The following PER2 variants were observed in gnomAD, a reference collection of about 807,000 sequenced individuals.
The protein encoded by PER2 is period circadian protein homolog 2.
In PER2, 66 loss-of-function variants were observed where a neutral mutation model predicts 121.0. The observed-to-expected ratio is 0.55, with a 90% CI of 0.45 to 0.67. The LOEUF (loss-of-function observed/expected upper bound fraction) is 0.67. Among genes scored for constraint, PER2 ranks in the 30% least tolerant of loss-of-function variants. The pLI is 0.00. For synonymous variants in PER2, 684 were observed against 659.9 expected (o/e 1.04, Z -0.56); for missense variants, 1,521 against 1,635.0 (o/e 0.93, Z 1.20).
intron 1 of PER2, among the ~76,000 whole-genome samples, chr2:238,286,603 GAC>G (rs1696796376): frequency 6.6e-6 from 1 of 152,164 alleles, no homozygotes; most frequent in Non-Finnish European, 1.5e-5. Flanking sequence ...GAAGTGTGGC[GAC>G]AGTCTCTGCC....
Position 238,277,163 on chromosome 2 carries a change from T to G in PER2, c.261A>C (p.Lys87Asn), listed in dbSNP as rs143743066. 1.5e-4 allele frequency: 245 copies of G among 1,613,492 alleles called. 1 individual carries two copies. The African/African-American group carries it at 3.0e-3, about 20-fold the overall frequency. The part of the protein sequence containing the change: ...SPDTFSLMMA[K>N]SEHNPSTSGC... ...CACTTGTAGATGGGTTGTGTTCAGA[T>G]TTTGCCATCATCAGGCTAAAGGTAT... The change falls in exon 3 of 23, where the codon AAA becomes AAC. Residue 87 changes from lysine (K) to asparagine (N), a missense_variant. Coordinates refer to ENST00000254657, the MANE Select transcript of PER2 (RefSeq NM_022817.3).
rs368823363 is a variant in PER2 at position 238,258,283 on chromosome 2, G to T, written c.1893C>A (p.His631Gln). ...TCTACACAGATTAGATACCTCCAGC[G>T]TGTGGCCCTGGGCTGACTGTGGCCT... ...KRKATVSPGP[H>Q]AGEAEPPSRV... The change falls in exon 16 of 23, where the codon CAC becomes CAA. Residue 631 changes from histidine (H) to glutamine (Q), a missense_variant. His to Gln is a conservative substitution (Grantham distance 24). Coordinates refer to ENST00000254657, the MANE Select transcript of PER2 (RefSeq NM_022817.3). 6.2e-7 allele frequency: 1 copy of T among 1,614,172 alleles called. No homozygotes were observed. Among genetic ancestry groups the T allele is most frequent in the Non-Finnish European group, 8.5e-7 (1 of 1,180,004 alleles).
chr2:238,265,545 G>A lies in PER2; in HGVS notation c.1013C>T (p.Thr338Ile). ...CACATCCTGGAACAAACAATTTGGTGTATGGGTGGTTGTAAAAATTCTCTT... is the reference window on the plus strand; with the variant it reads ...CACATCCTGGAACAAACAATTTGGTATATGGGTGGTTGTAAAAATTCTCTT... ...PEKRIFTTTH[T>I]PNCLFQDVDE... Residue 338 changes from threonine (T) to isoleucine (I), a missense_variant, in exon 9 of 23, where the codon ACA becomes ATA. Transcript: ENST00000254657. The A allele has an allele frequency of 6.2e-7, 1 of 1,611,434 alleles. No homozygotes were observed. The highest frequency in any genetic ancestry group is 1.1e-5 in the South Asian group (1 of 91,038).
chr2:238,265,872 T>C (rs1696079422), intron 8 of PER2, among the ~76,000 whole-genome samples: 1 of 152,028 alleles, frequency 6.6e-6, no homozygotes, highest in Non-Finnish European at 1.5e-5. Context: ...AGACTACTCT[T>C]AGCAAAATAA....
At chr2:238,292,143 G>A (rs1051757074), upstream of PER2, among the ~76,000 whole-genome samples, 1 of 152,362 alleles carries the variant, frequency 6.6e-6, no homozygotes, top group Admixed American at 6.5e-5. Context: ...GGGCAACAGA[G>A]CAAGACTGAG....
chr2:238,264,400 C>T (rs1696033658), intron 9 of PER2, among the ~76,000 whole-genome samples: 1 of 152,176 alleles, frequency 6.6e-6, no homozygotes, highest in African/African-American at 2.4e-5. Flanking sequence ...TGACGGATCC[C>T]TTTTTACCCA....
Position 238,273,057 on chromosome 2 carries a change from GAA to G in PER2, c.570+11_570+12del. On this transcript the variant is annotated intron_variant, in intron 5 of 22. Transcript: ENST00000254657. ...TGCCATTTTAGAAAGAAACTTTGCG[GAA>G]AGAGGCTTACGGCATTCTTCACAAT... The G allele has an allele frequency of 6.2e-7, 1 of 1,613,996 alleles. No individual in the cohort carries two copies. Among genetic ancestry groups the G allele is most frequent in the Non-Finnish European group, 8.5e-7 (1 of 1,179,878 alleles).
At chr2:238,278,020 A>T in intron 1 of PER2, 65 bp from the exon 2 acceptor site, 1 of 1,544,596 alleles carries the variant, frequency 6.5e-7, no homozygotes, top group African/African-American at 1.4e-5. Flanking sequence ...TGCAGCCATC[A>T]GGTAGAGCAC....
At chr2:238,270,777 A>C (rs6741269) in intron 6 of PER2, among the ~76,000 whole-genome samples, 1 of 152,212 alleles carries the variant, frequency 6.6e-6, no homozygotes, top group Non-Finnish European at 1.5e-5. Flanking sequence ...GCAGCCAAGA[A>C]GGCTGCCATC....
intron 1 of PER2, among the ~76,000 whole-genome samples, chr2:238,285,160 C>T (rs777996005): frequency 2.2e-4 from 33 of 152,392 alleles, no homozygotes; most frequent in Admixed American, 3.3e-4. Context: ...TTTGCATGTC[C>T]GCCTACTGGC....
rs760914975 is a variant in PER2 at position 238,262,389 on chromosome 2, AG to A, written c.1154-46del. The A allele has an allele frequency of 3.1e-6, 5 of 1,595,288 alleles. No individual in the cohort carries two copies. The South Asian group carries it at 5.5e-5, about 18-fold the overall frequency. ...CATTCAGGGGAAAAGGGGAGCAAACAGGATTTATAGTAGAGAGAGACAAGTC... is the reference window on the plus strand; with the variant it reads ...CATTCAGGGGAAAAGGGGAGCAAACAGATTTATAGTAGAGAGAGACAAGTC... On this transcript the variant is annotated intron_variant, in intron 10 of 22. Transcript: ENST00000254657.
Position 238,268,075 on chromosome 2 carries a change from T to C in PER2, c.948A>G (p.Arg316=), listed in dbSNP as rs760226791. The change falls in exon 8 of 23, where the codon AGA becomes AGG. Residue 316 remains arginine, a synonymous_variant. Coordinates refer to ENST00000254657, the MANE Select transcript of PER2 (RefSeq NM_022817.3). This position sits in a 1 kb window ranked among gnomAD's most constrained non-coding sequence, Gnocchi z 4.0. ...TGTTACCTTCATAACCAGAGTGCAC[T>C]CTCTCTGCCAGCAGAAGGCAGCAAA... is the stretch of plus-strand genomic sequence containing the variant. ...SQLCCLLLAE[R]VHSGYEAPRI... 9 of 1,613,758 alleles carry C rather than the reference T, an allele frequency of 5.6e-6. No individual in the cohort carries two copies. In the East Asian group the frequency reaches 1.8e-4, roughly 32 times the overall value.
chr2:238,286,789 G>A (rs898407358), intron 1 of PER2, among the ~76,000 whole-genome samples: 1 of 152,206 alleles, frequency 6.6e-6, no homozygotes, highest in African/African-American at 2.4e-5. Flanking sequence ...TTACATCATC[G>A]CTTAAAAACA....
chr2:238,268,038 C>T lies in PER2; in HGVS notation c.967+18G>A. 6.2e-7 allele frequency: 1 copy of T among 1,613,392 alleles called. No individual in the cohort carries two copies. Among genetic ancestry groups the T allele is most frequent in the African/African-American group, 1.3e-5 (1 of 75,038 alleles). On this transcript the variant is annotated intron_variant, in intron 8 of 22. Coordinates refer to ENST00000254657, the MANE Select transcript of PER2 (RefSeq NM_022817.3). The surrounding 1 kb of genome is among the most constrained non-coding windows in gnomAD (Gnocchi z 4.0). ...AGCCAGAGACAACATCTGCCCTCGC[C>T]CTGGGCTTGGCTGTTACCTTCATAA...
Position 238,250,704 on chromosome 2 carries a change from C to T in PER2, c.3314G>A (p.Ser1105Asn), listed in dbSNP as rs749714201. 1 of 1,614,008 alleles carries T rather than the reference C, an allele frequency of 6.2e-7. No individual in the cohort carries two copies. The highest frequency in any genetic ancestry group is 1.7e-5 in the Admixed American group (1 of 60,034). Residue 1105 changes from serine (S) to asparagine (N), a missense_variant, in exon 21 of 23, where the codon AGC becomes AAC. Physicochemically the swap from Ser to Asn is conservative, Grantham distance 46. Transcript: ENST00000254657. ...GTGATTATTCTCTGAGGAGTCAATG[C>T]TTCCAAAATATTTGCTGGTATGACT... ...DTSHTSKYFGSIDSSENNHKA... is the reference protein window; with the variant it reads ...DTSHTSKYFGNIDSSENNHKA...
chr2:238,255,349 G>T, intron 18 of PER2: 1 of 475,326 alleles, frequency 2.1e-6, no homozygotes, highest in Non-Finnish European at 3.8e-6. Flanking sequence ...GTCCAGGTGG[G>T]GCCCCTGCCC....
chr2:238,274,269 A>G (rs1428031586), intron 4 of PER2, among the ~76,000 whole-genome samples: 1 of 152,216 alleles, frequency 6.6e-6, no homozygotes, highest in East Asian at 1.9e-4. Context: ...TCCAGGCGGG[A>G]GCAAAGGGGC....
In PER2 at chr2:238,253,643, T is replaced by C. The variant is rs775769129; in HGVS notation, c.2380A>G (p.Asn794Asp). The C allele has an allele frequency of 1.2e-6, 2 of 1,609,438 alleles. No homozygotes were observed. Among genetic ancestry groups the C allele is most frequent in the Non-Finnish European group, 1.7e-6 (2 of 1,177,668 alleles). Reference sequence around the variant, plus strand: ...ACCCGCTTGGACTTCAATTTTCTGTTCTTTCCTGTTTTTTTCCAAGGTGAA... The same window carrying C: ...ACCCGCTTGGACTTCAATTTTCTGTCCTTTCCTGTTTTTTTCCAAGGTGAA... ...IDSPWKKTGK[N>D]RKLKSKRVKP... The change falls in exon 19 of 23, where the codon AAC (asparagine) becomes GAC (aspartate). Residue 794 changes from asparagine to aspartate, a missense_variant. Asn to Asp is a conservative substitution (Grantham distance 23, BLOSUM62 1). Transcript: ENST00000254657. The surrounding 1 kb of genome is among the most constrained non-coding windows in gnomAD (Gnocchi z 5.6).
chr2:238,258,639 G>C lies in PER2; in HGVS notation c.1633C>G (p.Gln545Glu). 1 of 1,613,972 alleles carries C rather than the reference G, an allele frequency of 6.2e-7. No homozygotes were observed. The highest frequency in any genetic ancestry group is 1.1e-5 in the South Asian group (1 of 91,082). Reference sequence around the variant, plus strand: ...TTCTTCTCAGCTGGGGGATTAGTTTGCATTTCTGAAGGAATGGCAAAATTG... The same window carrying C: ...TTCTTCTCAGCTGGGGGATTAGTTTCCATTTCTGAAGGAATGGCAAAATTG... ...EQKKKSVTEM[Q>E]TNPPAEKKAV... Residue 545 changes from glutamine to glutamate, a missense_variant, in exon 15 of 23, where the codon CAA becomes GAA. Physicochemically the swap from Gln to Glu is conservative, Grantham distance 29. Transcript: ENST00000254657.
Sources: allele counts gnomAD v4.1 joint callset (sites outside exome capture counted in the v4.1 genomes callset), GRCh38; gene constraint gnomAD v4.1.1; non-coding constraint Gnocchi (gnomAD v3.1); transcripts MANE v1.5; gene names NCBI Gene and HGNC (gene_info 2026-07-23, HGNC 2026-07-21).